The following ELOA2 variants were observed in gnomAD, a reference collection of about 807,000 sequenced individuals.
ELOA2 encodes elongin-A2.
For synonymous variants in ELOA2, 497 were observed against 398.8 expected (o/e 1.25, Z -2.94); for missense variants, 1,271 against 979.7 (o/e 1.30, Z -3.97).
chr18:47,034,617 C>T lies in ELOA2; in HGVS notation c.648G>A (p.Gln216=), dbSNP rs2060669097. The change falls in exon 1 of 1, where the codon CAG becomes CAA. Residue 216 remains glutamine (Q), a synonymous_variant. Transcript: ENST00000332567. Reference sequence around the variant, plus strand: ...TGCTGTGGCTCACAACGGCTTTCCCCTGGGGTTGGCCCTGGCAGCCTGGAC... The same window carrying T: ...TGCTGTGGCTCACAACGGCTTTCCCTTGGGGTTGGCCCTGGCAGCCTGGAC... ...LLCPGCQGQP[Q]GKAVVSHSKG... 1.2e-6 allele frequency: 2 copies of T among 1,614,146 alleles called. No individual in the cohort carries two copies. Among genetic ancestry groups the T allele is most frequent in the African/African-American group, 1.3e-5 (1 of 75,078 alleles).
chr18:47,034,063 T>C lies in ELOA2; in HGVS notation c.1202A>G (p.Lys401Arg). The C allele has an allele frequency of 6.2e-7, 1 of 1,614,228 alleles. No homozygotes were observed. Among genetic ancestry groups the C allele is most frequent in the South Asian group, 1.1e-5 (1 of 91,076 alleles). Residue 401 changes from lysine (K) to arginine (R), a missense_variant, in exon 1 of 1, where the codon AAA becomes AGA. By Grantham distance (26) the Lys-to-Arg change is conservative (BLOSUM62 2). Transcript: ENST00000332567. Reference sequence around the variant, plus strand: ...ATCTCCAAGTGCAGTGGTGGCAGATTTTCCAGTCTTTTTCTTTTGCTTCCG... The same window carrying C: ...ATCTCCAAGTGCAGTGGTGGCAGATCTTCCAGTCTTTTTCTTTTGCTTCCG... The part of the protein sequence containing the change: ...QLRKQKKKTG[K>R]SATTALGDKQ...
rs1367710898 is a variant in ELOA2 at position 47,033,319 on chromosome 18, T to C, written c.1946A>G (p.Lys649Arg). Residue 649 changes from lysine to arginine, a missense_variant, in exon 1 of 1, where the codon AAG (lysine) becomes AGG (arginine). Lys to Arg is a conservative substitution (Grantham distance 26). Transcript: ENST00000332567. ...CCTCCTTGAAGTATCATAAGGCGTCTTGGCCACAGATTTGAAACAGATCAT... is the reference window on the plus strand; with the variant it reads ...CCTCCTTGAAGTATCATAAGGCGTCCTGGCCACAGATTTGAAACAGATCAT... Reference protein sequence around the residue: ...AKMICFKSVAKTPYDTSRRQE... With the variant: ...AKMICFKSVARTPYDTSRRQE... The C allele has an allele frequency of 1.2e-6, 2 of 1,613,662 alleles. No individual in the cohort carries two copies. Among genetic ancestry groups the C allele is most frequent in the East Asian group, 2.2e-5 (1 of 44,900 alleles).
rs146911955 is a variant in ELOA2, at chr18:47,034,948, T to A, written c.317A>T (p.Gln106Leu). ...TTCTGGGAAGCCCCAGGCCTTTTCC[T>A]GGTCCTGAAGAGCCTCCCCGAAGCG... ...RQRFGEALQD[Q>L]EKAWGFPENA... is the part of the protein sequence containing the mutation. Residue 106 changes from glutamine to leucine, a missense_variant, in exon 1 of 1, where the codon CAG becomes CTG. Physicochemically the swap from Gln to Leu is moderately radical, Grantham distance 113. Coordinates refer to ENST00000332567, the MANE Select transcript of ELOA2 (RefSeq NM_016427.3). The A allele has an allele frequency of 2.5e-6, 4 of 1,606,914 alleles. No homozygotes were observed. In the South Asian group the frequency reaches 3.3e-5, roughly 13 times the overall value.
rs2060534128 is a variant in ELOA2, at chr18:47,032,767, G to T, written c.*236C>A. 1 of 682,616 alleles carries T rather than the reference G, an allele frequency of 1.5e-6. No homozygotes were observed. 42.3% of individuals were successfully genotyped at this position (682,616 alleles called of 1,614,324 possible). A position where few individuals can be genotyped will look rare whatever the true frequency, so the allele number is the denominator to read the frequency against. On this transcript the variant is annotated 3_prime_UTR_variant, in exon 1 of 1. Coordinates refer to ENST00000332567, the MANE Select transcript of ELOA2 (RefSeq NM_016427.3). ...ATCAGTGAACATCCAAAATAGAATTGTTCCCAATGCGTTCATATCTTCTGA... is the reference window on the plus strand; with the variant it reads ...ATCAGTGAACATCCAAAATAGAATTTTTCCCAATGCGTTCATATCTTCTGA...
At position 47,034,409 on chromosome 18, in the gene ELOA2, C is replaced by G. The variant is rs145748811; in HGVS notation, c.856G>C (p.Gly286Arg). The change falls in exon 1 of 1, where the codon GGG becomes CGG. Residue 286 changes from glycine to arginine, a missense_variant. Physicochemically the swap from Gly to Arg is moderately radical, Grantham distance 125. Coordinates refer to ENST00000332567, the MANE Select transcript of ELOA2 (RefSeq NM_016427.3). ...ACACGCTGGCCGCTGCCAGCTTGCC[C>G]CCCTTCCTTGTCTGTCTTGAAGTCC... is the stretch of plus-strand genomic sequence containing the variant. Reference protein sequence around the residue: ...PSDFKTDKEGGQAGSGQRVPA... With the variant: ...PSDFKTDKEGRQAGSGQRVPA... The G allele has an allele frequency of 3.1e-5, 50 of 1,613,960 alleles. No individual in the cohort carries two copies. Among genetic ancestry groups the G allele is most frequent in the Non-Finnish European group, 4.2e-5 (49 of 1,180,046 alleles).
At position 47,033,618 on chromosome 18, in the gene ELOA2, C is replaced by T. The variant is rs762156495; in HGVS notation, c.1647G>A (p.Glu549=). 1.2e-6 allele frequency: 2 copies of T among 1,614,186 alleles called. No homozygotes were observed. The highest frequency in any genetic ancestry group is 1.3e-5 in the African/African-American group (1 of 75,042). Residue 549 remains glutamate (E), a synonymous_variant, in exon 1 of 1, where the codon GAG becomes GAA. Transcript: ENST00000332567. Reference sequence around the variant, plus strand: ...CAGGTTCAAGAACCCAGTAGGGGACCTCTCCCACGTCGCTGAGGGCGTCCG... The same window carrying T: ...CAGGTTCAAGAACCCAGTAGGGGACTTCTCCCACGTCGCTGAGGGCGTCCG... ...NNPDALSDVG[E]VPYWVLEPVL...
At chr18:47,034,116 A>T in the ELOA2 span, 1 of 1,614,170 alleles carries the variant, frequency 6.2e-7, no homozygotes, top group Non-Finnish European at 8.5e-7. Context: ...GGTATTTTTC[A>T]CATGACAGAG....
chr18:47,032,654 C>T lies in ELOA2; in HGVS notation c.*349G>A, dbSNP rs1461429594. On this transcript the variant is annotated 3_prime_UTR_variant, in exon 1 of 1. Transcript: ENST00000332567. Reference sequence around the variant, plus strand: ...TTTTTGTCTAAGAAGTTCTTATCTACTTGATTTCGAAAAAAAAAAGAAAGG... The same window carrying T: ...TTTTTGTCTAAGAAGTTCTTATCTATTTGATTTCGAAAAAAAAAAGAAAGG... 8.5e-6 allele frequency: 3 copies of T among 351,474 alleles called. No homozygotes were observed. The East Asian group carries it at 2.0e-4, about 23-fold the overall frequency. The allele number at this position is 351,474 out of a possible 1,614,324, so 21.8% of individuals were successfully genotyped here. A position where few individuals can be genotyped will look rare whatever the true frequency, so the allele number is the denominator to read the frequency against.
In ELOA2 at chr18:47,033,576, C is replaced by T; in HGVS notation, c.1689G>A (p.Arg563=). ...WVLEPVLEGW[R]PDQLYRRKKD... is the part of the protein sequence containing the mutation. Reference sequence around the variant, plus strand: ...TCTTTCTGCGATACAGCTGATCGGGCCTCCACCCTTCCAGAACAGGTTCAA... The same window carrying T: ...TCTTTCTGCGATACAGCTGATCGGGTCTCCACCCTTCCAGAACAGGTTCAA... The change falls in exon 1 of 1, where the codon AGG becomes AGA. Residue 563 remains arginine, a synonymous_variant. Coordinates refer to ENST00000332567, the MANE Select transcript of ELOA2 (RefSeq NM_016427.3). 6.2e-7 allele frequency: 1 copy of T among 1,614,188 alleles called. No homozygotes were observed. The highest frequency in any genetic ancestry group is 1.1e-5 in the South Asian group (1 of 91,082).
In ELOA2 at chr18:47,035,535, C is replaced by T. The variant is rs963639339; in HGVS notation, c.-271G>A. Reference sequence around the variant, plus strand: ...GGAGTGACCTCTGCAGTTTGCTGTGCAACAAAGAATGAAGCTCTGGTGCCA... The same window carrying T: ...GGAGTGACCTCTGCAGTTTGCTGTGTAACAAAGAATGAAGCTCTGGTGCCA... On this transcript the variant is annotated 5_prime_UTR_variant, in exon 1 of 1. Transcript: ENST00000332567. 18 of 677,472 alleles carry T rather than the reference C, an allele frequency of 2.7e-5. No individual in the cohort carries two copies. Among genetic ancestry groups the T allele is most frequent in the Non-Finnish European group, 3.8e-5 (15 of 399,480 alleles). The allele number at this position is 677,472 out of a possible 1,614,324, so 42.0% of individuals were successfully genotyped here. A position where few individuals can be genotyped will look rare whatever the true frequency, so the allele number is the denominator to read the frequency against.
chr18:47,032,697 T>C lies in ELOA2; in HGVS notation c.*306A>G. On this transcript the variant is annotated 3_prime_UTR_variant, in exon 1 of 1. Transcript: ENST00000332567. ...AAGAAAGGAAAAAGGAAATCTCACATCTTTTTCCTTATTTATGATTACAAC... is the reference window on the plus strand; with the variant it reads ...AAGAAAGGAAAAAGGAAATCTCACACCTTTTTCCTTATTTATGATTACAAC... The C allele has an allele frequency of 8.9e-6, 4 of 451,622 alleles. No individual in the cohort carries two copies. Among genetic ancestry groups the C allele is most frequent in the East Asian group, 8.2e-5 (2 of 24,290 alleles). 28.0% of individuals were successfully genotyped at this position (451,622 alleles called of 1,614,324 possible).
Position 47,034,701 on chromosome 18 carries a change from C to T in ELOA2, c.564G>A (p.Ala188=), listed in dbSNP as rs529402856. The T allele has an allele frequency of 5.0e-6, 8 of 1,612,970 alleles. 1 individual carries two copies. The East Asian group carries it at 1.6e-4, about 31-fold the overall frequency. ...GGCCTCTTCCGGGTTGCTTCCCGGG[C>T]GCAGCGGGCTCAGGGCCCTCGGGCA... ...LRMPEGPEPA[A]PGKQPGRGHT... The change falls in exon 1 of 1, where the codon GCG becomes GCA. Residue 188 remains alanine (A), a synonymous_variant. Coordinates refer to ENST00000332567, the MANE Select transcript of ELOA2 (RefSeq NM_016427.3).
At position 47,033,625 on chromosome 18, in the gene ELOA2, A is replaced by T. The variant is rs753460463; in HGVS notation, c.1640T>A (p.Val547Glu). ...AAGAACCCAGTAGGGGACCTCTCCC[A>T]CGTCGCTGAGGGCGTCCGGATTGTT... Reference protein sequence around the residue: ...LRNNPDALSDVGEVPYWVLEP... With the variant: ...LRNNPDALSDEGEVPYWVLEP... Residue 547 changes from valine to glutamate, a missense_variant, in exon 1 of 1, where the codon GTG becomes GAG. Transcript: ENST00000332567. 3.0e-5 allele frequency: 49 copies of T among 1,614,036 alleles called. No homozygotes were observed. In the South Asian group the frequency reaches 5.1e-4, roughly 17 times the overall value.
Position 47,033,101 on chromosome 18 carries a change from C to A in ELOA2, c.2164G>T (p.Ala722Ser), listed in dbSNP as rs760037172. Residue 722 changes from alanine (A) to serine (S), a missense_variant, in exon 1 of 1, where the codon GCG (alanine) becomes TCG (serine). By Grantham distance (99) the Ala-to-Ser change is moderately conservative. Coordinates refer to ENST00000332567, the MANE Select transcript of ELOA2 (RefSeq NM_016427.3). The part of the protein sequence containing the change: ...PCLSSSNEHA[A>S]PAAKTRKQAA... The stretch of plus-strand genomic sequence containing the variant: ...TGTTTCCGGGTTTTGGCCGCGGGCG[C>A]CGCGTGCTCATTGCTGCTGCTCAGG... 5 of 1,614,118 alleles carry A rather than the reference C, an allele frequency of 3.1e-6. No individual in the cohort carries two copies. The highest frequency in any genetic ancestry group is 1.7e-5 in the Admixed American group (1 of 60,026).
chr18:47,034,322 T>C lies in ELOA2; in HGVS notation c.943A>G (p.Lys315Glu), dbSNP rs146549538. 1.2e-4 allele frequency: 188 copies of C among 1,612,736 alleles called. 2 individuals carry two copies. The East Asian group carries it at 3.9e-3, about 33-fold the overall frequency. ...CGGCCGTCTAGACTGGGCCTCTTCTTGTTCGAGTGACTGTGCTGAGGCCTC... is the reference window on the plus strand; with the variant it reads ...CGGCCGTCTAGACTGGGCCTCTTCTCGTTCGAGTGACTGTGCTGAGGCCTC... ...QKRPQHSHSN[K>E]KRPSLDGRDP... Residue 315 changes from lysine (K) to glutamate (E), a missense_variant, in exon 1 of 1, where the codon AAG becomes GAG. Coordinates refer to ENST00000332567, the MANE Select transcript of ELOA2 (RefSeq NM_016427.3).
Position 47,033,266 on chromosome 18 carries a change from G to T in ELOA2, c.1999C>A (p.Pro667Thr), listed in dbSNP as rs528389219. The part of the protein sequence containing the change: ...RQEKSAGDAD[P>T]ENGEIKPASK... ...GCTGGCTTGATCTCCCCATTTTCGG[G>T]GTCAGCGTCTCCTGCAGACTTCTCT... Residue 667 changes from proline (P) to threonine (T), a missense_variant, in exon 1 of 1, where the codon CCC becomes ACC. Pro to Thr is a conservative substitution (Grantham distance 38). Coordinates refer to ENST00000332567, the MANE Select transcript of ELOA2 (RefSeq NM_016427.3). The T allele has an allele frequency of 6.2e-7, 1 of 1,613,552 alleles. No homozygotes were observed. The highest frequency in any genetic ancestry group is 2.2e-5 in the East Asian group (1 of 44,872).
Position 47,032,901 on chromosome 18 carries a change from T to C in ELOA2, c.*102A>G. ...TTCAAAGGCTCAACTTTGCACCAAG[T>C]TAAAGGTTCTGGTGTCCATTGGAAG... is the stretch of plus-strand genomic sequence containing the variant. On this transcript the variant is annotated 3_prime_UTR_variant, in exon 1 of 1. Coordinates refer to ENST00000332567, the MANE Select transcript of ELOA2 (RefSeq NM_016427.3). 1.3e-6 allele frequency: 2 copies of C among 1,598,370 alleles called. No individual in the cohort carries two copies. The highest frequency in any genetic ancestry group is 2.2e-5 in the East Asian group (1 of 44,740).
In ELOA2 at chr18:47,034,072, T is replaced by G; in HGVS notation, c.1193A>C (p.Lys398Thr). 1 of 1,614,164 alleles carries G rather than the reference T, an allele frequency of 6.2e-7. No individual in the cohort carries two copies. The highest frequency in any genetic ancestry group is 1.1e-5 in the South Asian group (1 of 91,074). The change falls in exon 1 of 1, where the codon AAG becomes ACG. Residue 398 changes from lysine (K) to threonine (T), a missense_variant. Coordinates refer to ENST00000332567, the MANE Select transcript of ELOA2 (RefSeq NM_016427.3). The stretch of plus-strand genomic sequence containing the variant: ...TGCAGTGGTGGCAGATTTTCCAGTC[T>G]TTTTCTTTTGCTTCCGCAACTGATC... Reference protein sequence around the residue: ...TYDQLRKQKKKTGKSATTALG... With the variant: ...TYDQLRKQKKTTGKSATTALG...
Position 47,034,453 on chromosome 18 carries a change from G to A in ELOA2, c.812C>T (p.Ala271Val), listed in dbSNP as rs777273636. 60 of 1,614,064 alleles carry A rather than the reference G, an allele frequency of 3.7e-5. 1 individual carries two copies. The highest frequency in any genetic ancestry group is 1.6e-4 in the Middle Eastern group (1 of 6,084). ...ETPRMPSWAS[A>V]RDRQPSDFKT... ...GAAGTCCGAAGGCTGCCTGTCCCTG[G>A]CACTTGCCCAGGAGGGCATCCTTGG... is the stretch of plus-strand genomic sequence containing the variant. The change falls in exon 1 of 1, where the codon GCC (alanine) becomes GTC (valine). Residue 271 changes from alanine to valine, a missense_variant. Transcript: ENST00000332567.
Sources: allele counts gnomAD v4.1 joint callset, GRCh38; gene constraint gnomAD v4.1.1; transcripts MANE v1.5; gene names NCBI Gene and HGNC (gene_info 2026-07-23, HGNC 2026-07-21).